Variants in SGMS1 observed in about 807,000 individuals in gnomAD.
The protein encoded by SGMS1 is phosphatidylcholine:ceramide cholinephosphotransferase 1.
Under a neutral mutation model 46.2 loss-of-function variants are expected in SGMS1, and 13 were observed. The ratio of observed to expected loss-of-function variants is 0.28; its 90% confidence interval spans 0.18 to 0.45. The LOEUF (loss-of-function observed/expected upper bound fraction) is 0.45. Among genes scored for constraint, SGMS1 ranks in the 20% least tolerant of loss-of-function variants. The pLI is 1.00. For missense variants in SGMS1, 324 were observed against 519.9 expected, an observed-to-expected ratio of 0.62 and a Z score of 3.66; for synonymous variants, 203 against 187.8, an observed-to-expected ratio of 1.08 and a Z score of -0.66.
intron 6 of SGMS1, among the ~76,000 whole-genome samples, chr10:50,391,459 G>C (rs1848765875): frequency 6.6e-6 from 1 of 152,050 alleles, no homozygotes; most frequent in Non-Finnish European, 1.5e-5. Flanking sequence ...GCAAATCAAA[G>C]CCACAATAAT....
intron 1 of SGMS1, among the ~76,000 whole-genome samples, chr10:50,600,450 C>T (rs1838638843): frequency 6.6e-6 from 1 of 152,188 alleles, no homozygotes. Context: ...TGTGGAAGCA[C>T]TCAAGGAGAA....
chr10:50,429,387 T>C (rs1009189102), intron 6 of SGMS1, among the ~76,000 whole-genome samples: 69 of 152,184 alleles, frequency 4.5e-4, no homozygotes, highest in African/African-American at 1.7e-3. Flanking sequence ...GCCTATACCA[T>C]ATAGCCTAGG....
intron 6 of SGMS1, among the ~76,000 whole-genome samples, chr10:50,363,655 G>A (rs1274084977): frequency 2.0e-5 from 3 of 152,164 alleles, no homozygotes; most frequent in Non-Finnish European, 4.4e-5. Flanking sequence ...AGTAGGATCT[G>A]CCCTTGCCTT....
chr10:50,418,705 T>C (rs958444643), intron 6 of SGMS1, among the ~76,000 whole-genome samples: 2 of 152,224 alleles, frequency 1.3e-5, no homozygotes, highest in African/African-American at 4.8e-5. Context: ...TTAGTTTCGA[T>C]TAGTAAAAGT....
intron 5 of SGMS1, among the ~76,000 whole-genome samples, chr10:50,454,334 C>T (rs921825460): frequency 2.0e-5 from 3 of 152,084 alleles, no homozygotes; most frequent in African/African-American, 4.8e-5. Flanking sequence ...GAAAAACTAA[C>T]TAATCAGCTA....
intron 3 of SGMS1, among the ~76,000 whole-genome samples, chr10:50,467,457 A>C (rs1005288401): frequency 6.6e-6 from 1 of 152,208 alleles, no homozygotes; most frequent in African/African-American, 2.4e-5. Context: ...CTAAAGGCTT[A>C]AAAATGCTTC....
intron 6 of SGMS1, among the ~76,000 whole-genome samples, chr10:50,381,849 G>C (rs908573588): frequency 6.6e-6 from 1 of 152,124 alleles, no homozygotes; most frequent in Admixed American, 6.5e-5. Flanking sequence ...TTTAACTGTG[G>C]TGTGGAAGGA....
Position 50,541,096 on chromosome 10 carries a change from C to A in SGMS1, c.-588-21175G>T, listed in dbSNP as rs748090008. On this transcript the variant is annotated intron_variant, in intron 2 of 10. Coordinates refer to ENST00000361781, the MANE Select transcript of SGMS1 (RefSeq NM_147156.4). The stretch of plus-strand genomic sequence containing the variant: ...AACTCCACAAGGCAACAGGACCAAC[C>A]AGCGTTGGAGACCTTGGGAAAGGAC... 6.6e-5 allele frequency among the ~76,000 whole-genome samples: 10 copies of A among 152,282 alleles called. No individual in the cohort carries two copies. The South Asian group carries it at 2.1e-3, about 32-fold the overall frequency.
rs200421223 is a variant in SGMS1 at position 50,520,104 on chromosome 10, CA to C, written c.-588-184del. ...AAGCCATTTTAACTAAAACTATTAA[CA>C]GGGGCAGGGCACAGTGGCTCACACC... is the stretch of plus-strand genomic sequence containing the variant. On this transcript the variant is annotated intron_variant, in intron 2 of 10. Transcript: ENST00000361781. Among the ~76,000 whole-genome samples the C allele has an allele frequency of 2.6e-3, 395 of 152,212 alleles. 9 individuals are homozygous for C. Among genetic ancestry groups the C allele is most frequent in the Admixed American group, 0.022 (342 of 15,288 alleles).
intron 3 of SGMS1, among the ~76,000 whole-genome samples, chr10:50,517,537 A>G (rs1336868984): frequency 1.3e-5 from 2 of 152,170 alleles, no homozygotes; most frequent in African/African-American, 4.8e-5. Context: ...ATTAAGAGAC[A>G]TAAAGGATAA....
At chr10:50,515,951 A>G (rs994543418) in intron 3 of SGMS1, among the ~76,000 whole-genome samples, 25 of 152,174 alleles carry the variant, frequency 1.6e-4, no homozygotes, top group African/African-American at 5.8e-4. Flanking sequence ...ATTTCCTAGA[A>G]ATGTTTTCAG....
chr10:50,439,742 T>A (rs560684620), intron 5 of SGMS1, among the ~76,000 whole-genome samples: 2 of 152,314 alleles, frequency 1.3e-5, no homozygotes, highest in African/African-American at 4.8e-5. Flanking sequence ...ATTTTCTGAG[T>A]AAACTGAAAT....
chr10:50,369,232 T>G (rs1848396515), intron 6 of SGMS1, among the ~76,000 whole-genome samples: 2 of 152,244 alleles, frequency 1.3e-5, no homozygotes, highest in South Asian at 4.1e-4. Flanking sequence ...GTGCAGTGGC[T>G]CACATCTGTA....
chr10:50,429,726 CACACACACACACACAT>C (rs1203598369), intron 6 of SGMS1, among the ~76,000 whole-genome samples: 60 of 17,734 alleles, frequency 3.4e-3, no homozygotes, highest in African/African-American at 5.6e-3. Flanking sequence ...CACACACACA[CACACACACACACACAT>C]ACTCTTTTCT....
chr10:50,409,669 T>C (rs1849070252), intron 6 of SGMS1, among the ~76,000 whole-genome samples: 1 of 152,148 alleles, frequency 6.6e-6, no homozygotes, highest in Admixed American at 6.6e-5. Context: ...CTCCTAAAAG[T>C]AAATGCTAAA....
chr10:50,435,587 T>G (rs1235685482), intron 5 of SGMS1, among the ~76,000 whole-genome samples: 2 of 152,216 alleles, frequency 1.3e-5, no homozygotes, highest in African/African-American at 4.8e-5. Flanking sequence ...TATGTCTTTG[T>G]TAGCATTCTT....
chr10:50,306,289 T>TGC lies in SGMS1; in HGVS notation c.*851_*852dup, dbSNP rs934660879. 1.0e-4 allele frequency: 16 copies of TGC among 152,602 alleles called. No homozygotes were observed. Among genetic ancestry groups the TGC allele is most frequent in the African/African-American group, 3.9e-4 (16 of 41,450 alleles). The allele number at this position is 152,602 out of a possible 1,614,324, so 9.5% of individuals were successfully genotyped here. A position where few individuals can be genotyped will look rare whatever the true frequency, so the allele number is the denominator to read the frequency against. On this transcript the variant is annotated 3_prime_UTR_variant, in exon 11 of 11. Transcript: ENST00000361781. ...TCTTCTGATTCAATTTAGCTATAAA[T>TGC]GCAAAATTTAGTAGTGTATACATAT...
In SGMS1 at chr10:50,344,067, C is replaced by G. The variant is rs1847871160; in HGVS notation, c.48G>C (p.Leu16=). 1 of 1,613,888 alleles carries G rather than the reference C, an allele frequency of 6.2e-7. No homozygotes were observed. The highest frequency in any genetic ancestry group is 1.7e-5 in the Admixed American group (1 of 59,992). ...AGTATTCTGGCATAGCATTCTCCAG[C>G]AGCCAGTCTGCCACCTTCTTGGGTG... ...YWSPKKVADW[L]LENAMPEYCE... is the part of the protein sequence containing the mutation. Residue 16 remains leucine, a synonymous_variant, in exon 7 of 11, where the codon CTG becomes CTC. Transcript: ENST00000361781.
intron 2 of SGMS1, among the ~76,000 whole-genome samples, chr10:50,587,108 C>T (rs1046068492): frequency 1.3e-5 from 2 of 152,174 alleles, no homozygotes; most frequent in Non-Finnish European, 2.9e-5. Flanking sequence ...CTAATTTATG[C>T]TCCTAGAAGT....
Sources: allele counts gnomAD v4.1 joint callset (sites outside exome capture counted in the v4.1 genomes callset), GRCh38; gene constraint gnomAD v4.1.1; transcripts MANE v1.5; gene names NCBI Gene and HGNC (gene_info 2026-07-23, HGNC 2026-07-21).